Variants in PDE7B observed in about 807,000 individuals in gnomAD.
PDE7B encodes phosphodiesterase 7B.
PDE7B carries 29 observed loss-of-function variants against 56.2 expected under a neutral mutation model. The observed-to-expected ratio is 0.52, with a 90% CI of 0.38 to 0.70. The LOEUF is 0.70. PDE7B is among the 30% of genes least tolerant of loss of function. PDE7B has a pLI of 0.00. For synonymous variants in PDE7B, 197 were observed against 196.9 expected (o/e 1.00, Z 0.00); for missense variants, 490 against 565.0 (o/e 0.87, Z 1.35).
intron 9 of PDE7B, among the ~76,000 whole-genome samples, chr6:136,178,063 A>C (rs1779007718): frequency 6.6e-6 from 1 of 151,580 alleles, no homozygotes; most frequent in African/African-American, 2.4e-5. Flanking sequence ...AGCAGTTAAA[A>C]TTAAGTTGCG....
At chr6:135,926,084 TTGG>T (rs1249035480) in intron 1 of PDE7B, among the ~76,000 whole-genome samples, 3 of 10,980 alleles carry the variant, frequency 2.7e-4, no homozygotes, top group East Asian at 5.2e-3. Flanking sequence ...TTTCTTTTTT[TTGG>T]GGGGGGGGGG....
intron 2 of PDE7B, among the ~76,000 whole-genome samples, chr6:136,064,845 T>G (rs1776906895): frequency 1.3e-5 from 2 of 152,206 alleles, no homozygotes; most frequent in Non-Finnish European, 2.9e-5. Context: ...CATTTCTGCC[T>G]TCCTCTCAAA....
chr6:135,955,707 T>C (rs1243013017), intron 2 of PDE7B, among the ~76,000 whole-genome samples: 2 of 152,014 alleles, frequency 1.3e-5, no homozygotes, highest in South Asian at 4.1e-4. Context: ...GGAACAGTGG[T>C]ATCTATCAGG....
chr6:135,896,996 T>G (rs1775913784), intron 1 of PDE7B, among the ~76,000 whole-genome samples: 1 of 152,134 alleles, frequency 6.6e-6, no homozygotes, highest in Non-Finnish European at 1.5e-5. Context: ...CAGATGTGGT[T>G]TCCTCAAGAA....
chr6:135,880,378 G>T (rs1031294584), intron 1 of PDE7B, among the ~76,000 whole-genome samples: 1 of 152,128 alleles, frequency 6.6e-6, no homozygotes, highest in Admixed American at 6.5e-5. Flanking sequence ...ATGAAATACC[G>T]ACTACAAGCC....
At chr6:136,153,841 C>A (rs140157883) in intron 6 of PDE7B, among the ~76,000 whole-genome samples, 1 of 152,260 alleles carries the variant, frequency 6.6e-6, no homozygotes, top group South Asian at 2.1e-4. Flanking sequence ...GAAATCCCAA[C>A]GCTTCACAAA....
At chr6:136,175,933 AGTTT>A (rs1778969752) in intron 9 of PDE7B, among the ~76,000 whole-genome samples, 1 of 151,980 alleles carries the variant, frequency 6.6e-6, no homozygotes, top group South Asian at 2.1e-4. Flanking sequence ...ACCAAAATTG[AGTTT>A]ATTTTTATCT....
At chr6:136,015,215 C>T (rs765742744) in intron 2 of PDE7B, among the ~76,000 whole-genome samples, 9 of 152,200 alleles carry the variant, frequency 5.9e-5, no homozygotes, top group Non-Finnish European at 1.2e-4. Flanking sequence ...CCACAACAGA[C>T]GTCATCAGCT....
At chr6:136,074,147 C>T (rs1377572751) in intron 2 of PDE7B, among the ~76,000 whole-genome samples, 1 of 150,388 alleles carries the variant, frequency 6.6e-6, no homozygotes, top group Non-Finnish European at 1.5e-5. Flanking sequence ...GTAAAAGAAT[C>T]ATTTGAACCC....
At chr6:135,879,974 C>A (rs937997050) in intron 1 of PDE7B, among the ~76,000 whole-genome samples, 2 of 152,006 alleles carry the variant, frequency 1.3e-5, no homozygotes, top group African/African-American at 4.8e-5. Flanking sequence ...TAAATATCTA[C>A]CCCCAAATTA....
At chr6:135,881,943 T>C (rs756478946) in intron 1 of PDE7B, among the ~76,000 whole-genome samples, 1 of 152,224 alleles carries the variant, frequency 6.6e-6, no homozygotes, top group Non-Finnish European at 1.5e-5. Context: ...CTCAACCTCT[T>C]CCATCTTCCC....
At chr6:136,038,052 C>T (rs546670045) in intron 2 of PDE7B, 3 of 1,335,834 alleles carry the variant, frequency 2.2e-6, no homozygotes, top group African/African-American at 1.5e-5. Context: ...GAATCGCTCT[C>T]GTCGGCAGTG....
chr6:136,054,662 C>T lies in PDE7B; in HGVS notation c.83-54069C>T, dbSNP rs907108058. On this transcript the variant is annotated intron_variant, in intron 2 of 12. Coordinates refer to ENST00000308191, the MANE Select transcript of PDE7B (RefSeq NM_018945.4). ...ACCTTGGGCAGTATGGCCATTTTCA[C>T]GATATTGATTCTTCCTACCCATGAG... Among the ~76,000 whole-genome samples, 9 of 152,248 alleles carry T rather than the reference C, an allele frequency of 5.9e-5. No individual in the cohort carries two copies. In the Middle Eastern group the frequency reaches 0.014, roughly 230 times the overall value.
chr6:135,933,219 T>C (rs981800606), intron 1 of PDE7B, among the ~76,000 whole-genome samples: 2 of 152,242 alleles, frequency 1.3e-5, no homozygotes, highest in African/African-American at 4.8e-5. Context: ...ATGTAACATA[T>C]GTCATATGTA....
intron 1 of PDE7B, among the ~76,000 whole-genome samples, chr6:135,941,271 A>C (rs1249147736): frequency 6.6e-6 from 1 of 152,234 alleles, no homozygotes; most frequent in Non-Finnish European, 1.5e-5. Context: ...TTCCCCAAAA[A>C]ATGACTCTAG....
At chr6:136,011,194 A>T (rs1202784692) in intron 2 of PDE7B, among the ~76,000 whole-genome samples, 1 of 152,106 alleles carries the variant, frequency 6.6e-6, no homozygotes, top group Non-Finnish European at 1.5e-5. Flanking sequence ...ACCTCAAAAG[A>T]CTTTATTTTC....
intron 2 of PDE7B, among the ~76,000 whole-genome samples, chr6:136,030,997 A>G (rs1451271627): frequency 6.6e-6 from 1 of 152,256 alleles, no homozygotes; most frequent in Non-Finnish European, 1.5e-5. Context: ...AAAAAAGAAT[A>G]AAAGAAAATT....
intron 1 of PDE7B, among the ~76,000 whole-genome samples, chr6:135,880,538 T>C (rs1775589002): frequency 6.6e-6 from 1 of 152,104 alleles, no homozygotes; most frequent in Admixed American, 6.5e-5. Context: ...AGGCCTCAGA[T>C]TGGCAGTAGA....
At chr6:135,952,538 C>T (rs1774720634) in intron 2 of PDE7B, among the ~76,000 whole-genome samples, 1 of 151,956 alleles carries the variant, frequency 6.6e-6, no homozygotes, top group African/African-American at 2.4e-5. Context: ...GTCCTGAAGC[C>T]CAATGTATGC....
Sources: gnomAD v4.1 joint callset for allele counts (sites outside exome capture counted in the v4.1 genomes callset) on GRCh38, gnomAD v4.1.1 for gene constraint, MANE v1.5 for transcripts, NCBI Gene and HGNC (gene_info 2026-07-23, HGNC 2026-07-21) for gene names.